CEP128: variants seen among roughly 807,000 people sequenced by gnomAD.
CEP128 encodes the protein centrosomal protein 128kDa.
CEP128 carries 132 observed loss-of-function variants against 156.7 expected under a neutral mutation model. That is an observed-to-expected ratio of 0.84 (90% CI 0.73 to 0.97). The LOEUF (loss-of-function observed/expected upper bound fraction) is 0.97. Ranked by LOEUF, CEP128 falls within the 50% of genes least tolerant of loss-of-function variation. The probability of loss-of-function intolerance (pLI) is 0.00; values close to 1 mark genes in which losing one functional copy is unlikely to be tolerated. For synonymous variants in CEP128, 469 were observed against 448.9 expected (o/e 1.04, Z -0.57); for missense variants, 1,252 against 1,281.9 (o/e 0.98, Z 0.36).
chr14:80,669,392 A>C lies in CEP128; in HGVS notation c.2806+73683T>G, dbSNP rs145921797. ...AAGTAGACAACCTGCAGAATGGGAG[A>C]AAATACCTGTAAACTATGCATCTGA... is the stretch of plus-strand genomic sequence containing the variant. On this transcript the variant is annotated intron_variant, in intron 19 of 24. Coordinates refer to ENST00000555265, the MANE Select transcript of CEP128 (RefSeq NM_152446.5). 1.9e-3 allele frequency among the ~76,000 whole-genome samples: 295 copies of C among 152,346 alleles called. 1 individual carries two copies. Among genetic ancestry groups the C allele is most frequent in the African/African-American group, 6.5e-3 (271 of 41,578 alleles).
chr14:80,692,397 TATC>T (rs1486425521), intron 19 of CEP128, among the ~76,000 whole-genome samples: 3 of 152,188 alleles, frequency 2.0e-5, no homozygotes, highest in Non-Finnish European at 4.4e-5. Context: ...ATGGAATGGC[TATC>T]ATGTTAGATG....
chr14:80,531,470 A>C (rs1040783075), intron 21 of CEP128, among the ~76,000 whole-genome samples: 1 of 152,238 alleles, frequency 6.6e-6, no homozygotes, highest in Admixed American at 6.5e-5. Flanking sequence ...GTCTTTAATT[A>C]GCTGATCACT....
chr14:80,882,866 G>A (rs1158757692), intron 8 of CEP128, among the ~76,000 whole-genome samples: 1 of 152,072 alleles, frequency 6.6e-6, no homozygotes, highest in Admixed American at 6.5e-5. Flanking sequence ...TGATCTCATG[G>A]AGATAAAGAG....
chr14:80,724,903 T>A (rs1045470051), intron 19 of CEP128, among the ~76,000 whole-genome samples: 12 of 149,982 alleles, frequency 8.0e-5, no homozygotes, highest in African/African-American at 2.9e-4. Flanking sequence ...CACTCTTACT[T>A]AACTAAACAA....
At chr14:80,872,192 C>G (rs1323606806) in intron 8 of CEP128, among the ~76,000 whole-genome samples, 2 of 152,098 alleles carry the variant, frequency 1.3e-5, no homozygotes, top group Admixed American at 1.3e-4. Context: ...AGTCATATCA[C>G]ACTCAGCTCA....
At chr14:80,527,204 G>A in intron 22 of CEP128, 1 of 546,754 alleles carries the variant, frequency 1.8e-6, no homozygotes, top group Non-Finnish European at 3.4e-6. Context: ...CAAGGTGGGA[G>A]GATAGCTCTA....
intron 19 of CEP128, among the ~76,000 whole-genome samples, chr14:80,658,812 A>T (rs543961640): frequency 1.3e-5 from 2 of 152,312 alleles, no homozygotes; most frequent in African/African-American, 4.8e-5. Flanking sequence ...AGAAGGGAAC[A>T]CCATGGACAA....
At position 80,785,389 on chromosome 14, in the gene CEP128, G is replaced by A. The variant is rs772343483; in HGVS notation, c.1717C>T (p.His573Tyr). 1.9e-6 allele frequency: 3 copies of A among 1,613,984 alleles called. No individual in the cohort carries two copies. Among genetic ancestry groups the A allele is most frequent in the East Asian group, 2.2e-5 (1 of 44,892 alleles). The stretch of plus-strand genomic sequence containing the variant: ...ACTTCCAATTCAAGGTCAGCTTGAT[G>A]AGACTTAATATCACGTAATTTCTCC... ...KEEKLRDIKS[H>Y]QADLELEVKN... Residue 573 changes from histidine to tyrosine, a missense_variant, in exon 15 of 25, where the codon CAT (histidine) becomes TAT (tyrosine). Coordinates refer to ENST00000555265, the MANE Select transcript of CEP128 (RefSeq NM_152446.5).
At chr14:80,722,670 C>A (rs952264288) in intron 19 of CEP128, among the ~76,000 whole-genome samples, 6 of 151,878 alleles carry the variant, frequency 4.0e-5, no homozygotes, top group African/African-American at 1.4e-4. Context: ...AAACTTTTTC[C>A]TTTACAAATA....
At chr14:80,899,609 T>C (rs1404446095) in intron 7 of CEP128, among the ~76,000 whole-genome samples, 1 of 152,202 alleles carries the variant, frequency 6.6e-6, no homozygotes, top group Admixed American at 6.5e-5. Context: ...CAAAAGTCAG[T>C]CAGGTAGCGA....
chr14:80,811,847 T>TAGATAGATAGATAGATAGATAGATA (rs1555350870), intron 13 of CEP128, among the ~76,000 whole-genome samples: 1 of 150,510 alleles, frequency 6.6e-6, no homozygotes, highest in African/African-American at 2.4e-5. Flanking sequence ...GATAGATAGA[T>TAGATAGATAGATAGATAGATAGATA]GATAACAGTC....
intron 21 of CEP128, among the ~76,000 whole-genome samples, chr14:80,557,471 G>A (rs1414076668): frequency 1.3e-5 from 2 of 152,216 alleles, no homozygotes; most frequent in Non-Finnish European, 2.9e-5. Flanking sequence ...ACCAAATCCA[G>A]GTCTTCAAAC....
At chr14:80,667,857 CAAA>C (rs3070047) in intron 19 of CEP128, among the ~76,000 whole-genome samples, 3 of 90,018 alleles carry the variant, frequency 3.3e-5, no homozygotes, top group African/African-American at 3.9e-5. Flanking sequence ...GACTCCATCT[CAAA>C]AAAAAAAAAA....
At chr14:80,660,129 G>C (rs957509488) in intron 19 of CEP128, among the ~76,000 whole-genome samples, 2 of 152,106 alleles carry the variant, frequency 1.3e-5, no homozygotes, top group East Asian at 3.8e-4. Context: ...ACCATCATAA[G>C]TTTATTTTAT....
At chr14:80,792,692 T>A in intron 14 of CEP128, 68 bp downstream of exon 14, 2 of 1,327,304 alleles carry the variant, frequency 1.5e-6, no homozygotes, top group Non-Finnish European at 1.1e-6. Context: ...AAGTGTTTTT[T>A]CAAAGGATAG....
chr14:80,497,674 T>C (rs1887551388), intron 24 of CEP128, 92 bp from the exon 25 acceptor site: 2 of 768,106 alleles, frequency 2.6e-6, no homozygotes, highest in Middle Eastern at 2.3e-4. Flanking sequence ...TAATGTATCA[T>C]GGTATTTGAT....
chr14:80,948,323 G>T (rs1057344785), intron 2 of CEP128, among the ~76,000 whole-genome samples: 1 of 152,164 alleles, frequency 6.6e-6, no homozygotes, highest in Non-Finnish European at 1.5e-5. Flanking sequence ...GCCATTCATT[G>T]TGCTGAAGCC....
chr14:80,836,088 T>C (rs963652142), intron 12 of CEP128, 117 bp downstream of exon 12: 1 of 899,998 alleles, frequency 1.1e-6, no homozygotes, highest in Non-Finnish European at 1.7e-6. Context: ...GATCAAGAAA[T>C]AGTATGACGT....
chr14:80,956,363 C>G (rs1339744802), intron 2 of CEP128, among the ~76,000 whole-genome samples: 1 of 152,214 alleles, frequency 6.6e-6, no homozygotes, highest in African/African-American at 2.4e-5. Flanking sequence ...ACTGTCTATA[C>G]AGTATCTGTA....
Sources: gnomAD v4.1 joint callset for allele counts (sites outside exome capture counted in the v4.1 genomes callset) on GRCh38, gnomAD v4.1.1 for gene constraint, MANE v1.5 for transcripts, NCBI Gene and HGNC (gene_info 2026-07-23, HGNC 2026-07-21) for gene names.